The following MYO3B variants were observed in gnomAD, a reference collection of about 807,000 sequenced individuals.
The protein encoded by MYO3B is myosin-IIIb.
MYO3B carries 156 observed loss-of-function variants against 174.6 expected under a neutral mutation model. That is an observed-to-expected ratio of 0.89 (90% CI 0.78 to 1.02). The LOEUF (loss-of-function observed/expected upper bound fraction) is 1.02. Ranked by LOEUF, MYO3B falls within the 50% of genes least tolerant of loss-of-function variation. MYO3B has a pLI of 0.00. For synonymous variants in MYO3B, 563 were observed against 569.1 expected, an observed-to-expected ratio of 0.99 and a Z score of 0.15; for missense variants, 1,632 against 1,639.4, an observed-to-expected ratio of 1.00 and a Z score of 0.08.
intron 14 of MYO3B, among the ~76,000 whole-genome samples, chr2:170,387,684 CAGAT>C (rs2094386164): frequency 6.6e-6 from 1 of 152,000 alleles, no homozygotes; most frequent in Non-Finnish European, 1.5e-5. Flanking sequence ...TAGATTGAGA[CAGAT>C]AGAGAAAACA....
intron 32 of MYO3B, among the ~76,000 whole-genome samples, chr2:170,584,551 A>C (rs1693375059): frequency 6.6e-6 from 1 of 152,146 alleles, no homozygotes. Flanking sequence ...TTTGCTGTTC[A>C]TGTTTTTTCC....
intron 7 of MYO3B, among the ~76,000 whole-genome samples, chr2:170,320,991 G>A (rs1453577108): frequency 1.3e-5 from 2 of 152,180 alleles, no homozygotes; most frequent in African/African-American, 4.8e-5. Flanking sequence ...GGGATGCTGA[G>A]GCGGTAAGAT....
At chr2:170,179,563 T>G (rs1211476381) in intron 1 of MYO3B, among the ~76,000 whole-genome samples, 1 of 152,130 alleles carries the variant, frequency 6.6e-6, no homozygotes, top group East Asian at 1.9e-4. Context: ...ATAGGTTCAG[T>G]CTCCTTTTTC....
intron 32 of MYO3B, among the ~76,000 whole-genome samples, chr2:170,611,958 G>A (rs1695149051): frequency 6.6e-6 from 1 of 152,132 alleles, no homozygotes; most frequent in Admixed American, 6.5e-5. Flanking sequence ...TCAAAAAATA[G>A]AAAAATTATG....
intron 32 of MYO3B, among the ~76,000 whole-genome samples, chr2:170,575,611 C>T (rs1559129396): frequency 6.6e-6 from 1 of 152,184 alleles, no homozygotes; most frequent in Non-Finnish European, 1.5e-5. Flanking sequence ...AGCTCATGGG[C>T]TGTCCCTAAA....
chr2:170,261,160 A>AT (rs1559342601), intron 7 of MYO3B, among the ~76,000 whole-genome samples: 1 of 152,218 alleles, frequency 6.6e-6, no homozygotes, highest in East Asian at 1.9e-4. Flanking sequence ...AGTAGCTGGG[A>AT]TTACAGGCAT....
At chr2:170,213,717 AAAATT>A (rs1409053616) in intron 3 of MYO3B, among the ~76,000 whole-genome samples, 2 of 152,274 alleles carry the variant, frequency 1.3e-5, no homozygotes, top group Non-Finnish European at 2.9e-5. Context: ...TATGCAAAAT[AAAATT>A]AGTGTTTTTA....
intron 1 of MYO3B, 53 bp downstream of exon 1, chr2:170,178,342 T>G (rs767597927): frequency 2.6e-4 from 418 of 1,613,432 alleles, no homozygotes; most frequent in Non-Finnish European, 3.1e-4. Context: ...CTTTAGATTG[T>G]TTTTCTGCAA....
intron 32 of MYO3B, among the ~76,000 whole-genome samples, chr2:170,613,373 C>T (rs79742897): frequency 0.036 from 5,413 of 152,290 alleles, 139 homozygotes; most frequent in East Asian, 0.054. Flanking sequence ...TGAACTCTGA[C>T]GCACACCTCA....
chr2:170,486,113 A>G (rs1284806159), intron 25 of MYO3B, among the ~76,000 whole-genome samples: 1 of 152,138 alleles, frequency 6.6e-6, no homozygotes, highest in Admixed American at 6.5e-5. Flanking sequence ...TTCTAGGTGT[A>G]TGTTGGGGAG....
chr2:170,475,752 C>T (rs1011902811), intron 25 of MYO3B, among the ~76,000 whole-genome samples: 2 of 152,214 alleles, frequency 1.3e-5, no homozygotes, highest in African/African-American at 2.4e-5. Context: ...TTCTGTGCCT[C>T]TTCTTCGTTG....
At chr2:170,646,938 G>C in intron 32 of MYO3B, 1 of 1,353,174 alleles carries the variant, frequency 7.4e-7, no homozygotes, top group Non-Finnish European at 9.9e-7. Flanking sequence ...TAACTTTTAT[G>C]GGTATATATC....
chr2:170,359,411 C>A (rs1010079867), intron 8 of MYO3B, among the ~76,000 whole-genome samples: 8 of 152,146 alleles, frequency 5.3e-5, no homozygotes, highest in Non-Finnish European at 8.8e-5. Context: ...CTCTAATCTA[C>A]TCTCTAATGT....
chr2:170,442,978 T>A (rs2094813314), intron 22 of MYO3B, among the ~76,000 whole-genome samples: 1 of 152,254 alleles, frequency 6.6e-6, no homozygotes, highest in Non-Finnish European at 1.5e-5. Flanking sequence ...TGCATGTGTC[T>A]TTATAGCAGC....
chr2:170,337,729 A>G (rs1341182727), intron 8 of MYO3B: 1 of 152,210 alleles, frequency 6.6e-6, no homozygotes, highest in African/African-American at 2.4e-5. Flanking sequence ...GATAACATAA[A>G]CTGTTGATTA....
intron 6 of MYO3B, among the ~76,000 whole-genome samples, chr2:170,233,150 T>C (rs2093032255): frequency 6.6e-6 from 1 of 152,254 alleles, no homozygotes; most frequent in African/African-American, 2.4e-5. Context: ...TACTTTTTAT[T>C]GTCTTGCTTA....
intron 32 of MYO3B, among the ~76,000 whole-genome samples, chr2:170,620,676 G>A (rs1234569023): frequency 6.6e-6 from 1 of 152,208 alleles, no homozygotes; most frequent in Admixed American, 6.5e-5. Context: ...ATGGAAAATG[G>A]CCCGGGTAGA....
intron 21 of MYO3B, 113 bp from the exon 22 acceptor site, chr2:170,407,602 G>GAAAGCTATT: frequency 2.5e-6 from 3 of 1,210,082 alleles, no homozygotes; most frequent in South Asian, 1.4e-5. Context: ...TGAAAGCTAT[G>GAAAGCTATT]TAAAGATGAG....
Position 170,205,720 on chromosome 2 carries a change from G to C in MYO3B, c.321+5436G>C, listed in dbSNP as rs116497935. Among the ~76,000 whole-genome samples, 904 of 151,946 alleles carry C rather than the reference G, an allele frequency of 5.9e-3. 9 individuals are homozygous for C. The highest frequency in any genetic ancestry group is 0.02 in the African/African-American group (819 of 41,416). ...TCTTGACCCTGCCTCTCTTGATTAC[G>C]TCAATATCTTCCAATGGATACTCCA... On this transcript the variant is annotated intron_variant, in intron 3 of 34. Transcript: ENST00000408978.
Sources: allele counts gnomAD v4.1 joint callset (sites outside exome capture counted in the v4.1 genomes callset), GRCh38; gene constraint gnomAD v4.1.1; transcripts MANE v1.5; gene names NCBI Gene and HGNC (gene_info 2026-07-23, HGNC 2026-07-21).